The following TNFRSF1B variants were observed in gnomAD, a reference collection of about 807,000 sequenced individuals.
TNFRSF1B encodes tumor necrosis factor receptor superfamily member 1B.
TNFRSF1B carries 19 observed loss-of-function variants against 44.6 expected under a neutral mutation model. The ratio of observed to expected loss-of-function variants is 0.43; its 90% CI spans 0.30 to 0.62. TNFRSF1B has a LOEUF of 0.62. Among genes scored for constraint, TNFRSF1B ranks in the 20% least tolerant of loss-of-function variants. TNFRSF1B has a pLI of 0.16. For synonymous variants in TNFRSF1B, 252 were observed against 261.1 expected, an observed-to-expected ratio of 0.97 and a Z score of 0.34; for missense variants, 541 against 619.9, an observed-to-expected ratio of 0.87 and a Z score of 1.35.
rs1480610244 is a variant in TNFRSF1B at position 12,199,868 on chromosome 1, G to A, written c.901-2099G>A. 6.6e-6 allele frequency among the ~76,000 whole-genome samples: 1 copy of A among 152,226 alleles called. No homozygotes were observed. Among genetic ancestry groups the A allele is most frequent in the Non-Finnish European group, 1.5e-5 (1 of 68,034 alleles). On this transcript the variant is annotated intron_variant, in intron 8 of 9. Transcript: ENST00000376259. This position sits in a 1 kb window ranked among gnomAD's most constrained non-coding sequence, Gnocchi z 4.0. ...GGCCAGGGGCCAGGGCAGCTGTTGG[G>A]AATGTGGCCTGTGCCATCTCCTTTT... is the stretch of plus-strand genomic sequence containing the variant.
chr1:12,205,121 C>T (rs1639474709), intron 9 of TNFRSF1B, among the ~76,000 whole-genome samples: 1 of 152,062 alleles, frequency 6.6e-6, no homozygotes, highest in Admixed American at 6.6e-5. Context: ...GGGGAGGGAC[C>T]CAGAGAGTGG....
At chr1:12,196,131 T>C (rs1639260935) in intron 8 of TNFRSF1B, among the ~76,000 whole-genome samples, 1 of 152,008 alleles carries the variant, frequency 6.6e-6, no homozygotes, top group Non-Finnish European at 1.5e-5. Flanking sequence ...TAAAACCCCA[T>C]CTCTACTAAA....
intron 8 of TNFRSF1B, among the ~76,000 whole-genome samples, chr1:12,198,053 T>C (rs939289205): frequency 2.2e-4 from 30 of 137,108 alleles, no homozygotes; most frequent in African/African-American, 8.4e-4. Context: ...ACCCGGGAGG[T>C]GGAGCTTGCA....
Position 12,187,687 on chromosome 1 carries a change from T to C in TNFRSF1B, c.79-1109T>C, listed in dbSNP as rs1174796548. Among the ~76,000 whole-genome samples, 1 of 152,210 alleles carries C rather than the reference T, an allele frequency of 6.6e-6. No homozygotes were observed. The highest frequency in any genetic ancestry group is 2.4e-5 in the African/African-American group (1 of 41,462). On this transcript the variant is annotated intron_variant, in intron 1 of 9. Transcript: ENST00000376259. The surrounding 1 kb of genome is among the most constrained non-coding windows in gnomAD (Gnocchi z 5.5). ...TCTTCATTGGGTGGTTGGGAAGTCT[T>C]GCTGAGACCACACACCTGTCTCAGG...
At position 12,199,672 on chromosome 1, in the gene TNFRSF1B, C is replaced by T. The variant is rs941133215; in HGVS notation, c.901-2295C>T. 6.6e-6 allele frequency among the ~76,000 whole-genome samples: 1 copy of T among 152,050 alleles called. No homozygotes were observed. Among genetic ancestry groups the T allele is most frequent in the Non-Finnish European group, 1.5e-5 (1 of 67,996 alleles). On this transcript the variant is annotated intron_variant, in intron 8 of 9. Transcript: ENST00000376259. This position sits in a 1 kb window ranked among gnomAD's most constrained non-coding sequence, Gnocchi z 4.0. Reference sequence around the variant, plus strand: ...CAGACCACATCTGGAATTGTAGCTCCCTCTGGAGGGAGGCAGGAGGTCTCA... The same window carrying T: ...CAGACCACATCTGGAATTGTAGCTCTCTCTGGAGGGAGGCAGGAGGTCTCA...
chr1:12,189,488 T>C (rs551777557), intron 2 of TNFRSF1B, among the ~76,000 whole-genome samples: 1 of 152,328 alleles, frequency 6.6e-6, no homozygotes, highest in South Asian at 2.1e-4. Flanking sequence ...ATTTCACAGA[T>C]GGTAGACCTG....
intron 9 of TNFRSF1B, among the ~76,000 whole-genome samples, chr1:12,202,402 C>T (rs1446705098): frequency 2.0e-5 from 3 of 152,238 alleles, no homozygotes; most frequent in Admixed American, 6.5e-5. Flanking sequence ...GTCCAAGTCC[C>T]TGGTATCTGG....
In TNFRSF1B at chr1:12,167,144, C is replaced by G; in HGVS notation, c.53C>G (p.Ala18Gly). Residue 18 changes from alanine to glycine, a missense_variant, in exon 1 of 10, where the codon GCT becomes GGT. By Grantham distance (60) the Ala-to-Gly change is moderately conservative. Coordinates refer to ENST00000376259, the MANE Select transcript of TNFRSF1B (RefSeq NM_001066.3). ...CTGGCCGTCGGACTGGAGCTCTGGGCTGCGGCGCACGCCTTGCCCGCCCAG... is the reference window on the plus strand; with the variant it reads ...CTGGCCGTCGGACTGGAGCTCTGGGGTGCGGCGCACGCCTTGCCCGCCCAG... ...AALAVGLELW[A>G]AAHALPAQVA... 1 of 1,332,336 alleles carries G rather than the reference C, an allele frequency of 7.5e-7. No homozygotes were observed. The highest frequency in any genetic ancestry group is 9.6e-7 in the Non-Finnish European group (1 of 1,037,740). 82.5% of individuals were successfully genotyped at this position (1,332,336 alleles called of 1,614,324 possible).
Position 12,174,159 on chromosome 1 carries a change from T to TCC in TNFRSF1B, c.78+6990_78+6991insCC, listed in dbSNP as rs60458790. On this transcript the variant is annotated intron_variant, in intron 1 of 9. Transcript: ENST00000376259. ...CTTCTTCTTCTTCTTCTTCTTCTTC[T>TCC]TCTTCTCCTTCTCCTTCTCCTTCTC... Among the ~76,000 whole-genome samples, 303 of 100,994 alleles carry TCC rather than the reference T, an allele frequency of 3.0e-3. 6 individuals are homozygous for TCC. Among genetic ancestry groups the TCC allele is most frequent in the Middle Eastern group, 9.8e-3 (2 of 204 alleles). The allele number at this position is 100,994 out of a possible 152,430, so 66.3% of individuals were successfully genotyped here.
chr1:12,183,647 TTATCTATTTTATC>T (rs1268821378), intron 1 of TNFRSF1B, among the ~76,000 whole-genome samples: 85 of 146,278 alleles, frequency 5.8e-4, no homozygotes, highest in African/African-American at 2.1e-3. Flanking sequence ...TCTAGCTATT[TTATCTATTTTATC>T]TATCTATCTA....
chr1:12,183,683 T>G (rs1030617507), intron 1 of TNFRSF1B, among the ~76,000 whole-genome samples: 1 of 129,922 alleles, frequency 7.7e-6, no homozygotes, highest in Admixed American at 7.5e-5. Flanking sequence ...TATCTATCTA[T>G]CTATCTATCT....
rs1001225741 is a variant in TNFRSF1B at position 12,189,047 on chromosome 1, A to C, written c.178+152A>C. On this transcript the variant is annotated intron_variant, in intron 2 of 9. Coordinates refer to ENST00000376259, the MANE Select transcript of TNFRSF1B (RefSeq NM_001066.3). ...CCCTGCTGCTTCTGGGCCTGTGAAC[A>C]TGCTGTTCCCTCTTCCTGGCACACT... 40 of 636,860 alleles carry C rather than the reference A, an allele frequency of 6.3e-5. No homozygotes were observed. The South Asian group carries it at 8.3e-4, about 13-fold the overall frequency. The allele number at this position is 636,860 out of a possible 1,614,324, so 39.5% of individuals were successfully genotyped here. A position where few individuals can be genotyped will look rare whatever the true frequency, so the allele number is the denominator to read the frequency against.
At chr1:12,197,686 G>A (rs543524941) in intron 8 of TNFRSF1B, among the ~76,000 whole-genome samples, 1 of 152,308 alleles carries the variant, frequency 6.6e-6, no homozygotes, top group Admixed American at 6.5e-5. Context: ...TCCTCAACCA[G>A]CAGCTACTCC....
chr1:12,183,426 T>G (rs1638854681), intron 1 of TNFRSF1B, among the ~76,000 whole-genome samples: 1 of 148,542 alleles, frequency 6.7e-6, no homozygotes, highest in African/African-American at 2.5e-5. Context: ...GCAGTTTTCT[T>G]TTTTCTTTCC....
At chr1:12,203,324 G>C (rs1195154820) in intron 9 of TNFRSF1B, among the ~76,000 whole-genome samples, 1 of 152,158 alleles carries the variant, frequency 6.6e-6, no homozygotes, top group African/African-American at 2.4e-5. Flanking sequence ...CCAGACCAGG[G>C]CCAGGCTCCC....
rs1436339139 is a variant in TNFRSF1B, at chr1:12,201,971, A to G, written c.905A>G (p.His302Arg). Residue 302 changes from histidine (H) to arginine (R), a missense_variant, in exon 9 of 10, where the codon CAC becomes CGC. Coordinates refer to ENST00000376259, the MANE Select transcript of TNFRSF1B (RefSeq NM_001066.3). Reference protein sequence around the residue: ...LCLQREAKVPHLPADKARGTQ... With the variant: ...LCLQREAKVPRLPADKARGTQ... ...TACCACCCCCTGCCCATCCAGCCTC[A>G]CTTGCCTGCCGATAAGGCCCGGGGT... The G allele has an allele frequency of 6.2e-7, 1 of 1,608,386 alleles. No homozygotes were observed. The highest frequency in any genetic ancestry group is 1.1e-5 in the South Asian group (1 of 90,330).
intron 1 of TNFRSF1B, among the ~76,000 whole-genome samples, chr1:12,183,764 G>GCTAT (rs1491551359): frequency 2.6e-4 from 26 of 98,386 alleles, no homozygotes; most frequent in African/African-American, 7.8e-4. Flanking sequence ...TAGCTAGCTA[G>GCTAT]CTAGCTATCT....
At position 12,194,569 on chromosome 1, in the gene TNFRSF1B, C is replaced by T. The variant is rs1301652797; in HGVS notation, c.866-15C>T. 5.0e-6 allele frequency: 8 copies of T among 1,614,152 alleles called. No homozygotes were observed. Among genetic ancestry groups the T allele is most frequent in the East Asian group, 4.5e-5 (2 of 44,884 alleles). ...AGGAAGTCAATCTCTTACTTGTCCCCTCTCCTCTTTATAGAGAAGCCCTTG... is the reference window on the plus strand; with the variant it reads ...AGGAAGTCAATCTCTTACTTGTCCCTTCTCCTCTTTATAGAGAAGCCCTTG... On this transcript the variant is annotated splice_polypyrimidine_tract_variant and intron_variant, in intron 7 of 9. Transcript: ENST00000376259.
intron 2 of TNFRSF1B, 33 bp downstream of exon 2, chr1:12,188,928 T>G: frequency 6.3e-7 from 1 of 1,596,738 alleles, no homozygotes. Flanking sequence ...TCGGGGCCCA[T>G]GCCCTGGAGG....
Sources: gnomAD v4.1 joint callset for allele counts (sites outside exome capture counted in the v4.1 genomes callset) on GRCh38, gnomAD v4.1.1 for gene constraint, Gnocchi (gnomAD v3.1) non-coding constraint, MANE v1.5 for transcripts, NCBI Gene and HGNC (gene_info 2026-07-23, HGNC 2026-07-21) for gene names.